Variants in FTO observed in about 807,000 individuals in gnomAD.
The protein encoded by FTO is FTO alpha-ketoglutarate dependent dioxygenase, also known as alpha-ketoglutarate-dependent dioxygenase FTO.
In FTO, 47 loss-of-function variants were observed where a neutral mutation model predicts 63.9. The observed-to-expected ratio is 0.74, with a 90% CI of 0.58 to 0.94. The LOEUF is 0.94. FTO is among the 40% of genes least tolerant of loss of function. FTO has a pLI of 0.00. For synonymous variants in FTO, 207 were observed against 224.4 expected (o/e 0.92, Z 0.69); for missense variants, 562 against 618.1 (o/e 0.91, Z 0.96).
chr16:53,782,621 A>AT (rs2077616541), intron 1 of FTO, among the ~76,000 whole-genome samples: 1 of 152,188 alleles, frequency 6.6e-6, no homozygotes, highest in South Asian at 2.1e-4. Context: ...ATTCCTCCAG[A>AT]TTGATTAAGT....
At chr16:53,726,282 A>C (rs1390400670) in intron 1 of FTO, among the ~76,000 whole-genome samples, 1 of 152,234 alleles carries the variant, frequency 6.6e-6, no homozygotes, top group Non-Finnish European at 1.5e-5. Context: ...CACAGTTCTC[A>C]TAATAGTATG....
At chr16:54,074,964 TTA>T (rs1180475323) in intron 8 of FTO, among the ~76,000 whole-genome samples, 1 of 145,194 alleles carries the variant, frequency 6.9e-6, no homozygotes, top group Non-Finnish European at 1.5e-5. Context: ...GTAAACTGTT[TTA>T]GTTTGATAGT....
Position 53,783,974 on chromosome 16 carries a change from C to G in FTO, c.46-26166C>G, listed in dbSNP as rs532007983. Among the ~76,000 whole-genome samples, 48 of 152,220 alleles carry G rather than the reference C, an allele frequency of 3.2e-4. 1 individual carries two copies. In the South Asian group the frequency reaches 9.1e-3, roughly 29 times the overall value. On this transcript the variant is annotated intron_variant, in intron 1 of 8. Transcript: ENST00000471389. ...TCACTGGCCTTAGAAACAATACAGA[C>G]CCTACTTCTGGAGATTCTAAACCAG... is the stretch of plus-strand genomic sequence containing the variant.
intron 8 of FTO, among the ~76,000 whole-genome samples, chr16:54,007,577 C>T (rs759886539): frequency 4.6e-5 from 7 of 152,198 alleles, no homozygotes; most frequent in Non-Finnish European, 7.3e-5. Flanking sequence ...ATTAATAGAT[C>T]AGAAGTCACA....
At chr16:53,905,701 T>A (rs957119090) in intron 7 of FTO, among the ~76,000 whole-genome samples, 1 of 152,218 alleles carries the variant, frequency 6.6e-6, no homozygotes, top group Non-Finnish European at 1.5e-5. Flanking sequence ...TTTTATGTGT[T>A]CACCTATTAC....
intron 8 of FTO, among the ~76,000 whole-genome samples, chr16:54,081,224 C>T (rs901576096): frequency 2.0e-5 from 3 of 152,060 alleles, no homozygotes; most frequent in Non-Finnish European, 2.9e-5. Context: ...AGTCAGAGCA[C>T]GTTGGAAAGT....
chr16:53,815,568 C>T (rs1469904544), intron 2 of FTO, among the ~76,000 whole-genome samples: 7 of 150,380 alleles, frequency 4.7e-5, no homozygotes, highest in African/African-American at 1.2e-4. Flanking sequence ...TTTGTTGAGT[C>T]GCCTTTGCTT....
intron 8 of FTO, among the ~76,000 whole-genome samples, chr16:53,960,094 T>TA (rs1251521194): frequency 6.6e-6 from 1 of 152,108 alleles, no homozygotes; most frequent in Non-Finnish European, 1.5e-5. Flanking sequence ...TCAAAACTCA[T>TA]TTTTTGAGAC....
chr16:53,952,068 C>CT (rs1255909388), intron 8 of FTO, among the ~76,000 whole-genome samples: 1 of 152,174 alleles, frequency 6.6e-6, no homozygotes, highest in Non-Finnish European at 1.5e-5. Context: ...ATGCCAGGTA[C>CT]TATTCTACGT....
At chr16:53,912,251 T>C (rs1347899029) in intron 7 of FTO, among the ~76,000 whole-genome samples, 1 of 152,172 alleles carries the variant, frequency 6.6e-6, no homozygotes, top group Non-Finnish European at 1.5e-5. Context: ...CCAGGAGTAA[T>C]CTCTAGGAGG....
At chr16:53,839,476 G>A (rs2079399944) in intron 3 of FTO, among the ~76,000 whole-genome samples, 1 of 152,116 alleles carries the variant, frequency 6.6e-6, no homozygotes, top group Non-Finnish European at 1.5e-5. Flanking sequence ...ACAGCCTAAG[G>A]AGGGGAAAAA....
chr16:53,987,219 A>G (rs986392281), intron 8 of FTO, among the ~76,000 whole-genome samples: 1 of 152,240 alleles, frequency 6.6e-6, no homozygotes, highest in Non-Finnish European at 1.5e-5. Context: ...TAAAAAAAAT[A>G]TTAACAAGTG....
intron 1 of FTO, among the ~76,000 whole-genome samples, chr16:53,776,196 G>A (rs753995417): frequency 7.9e-5 from 12 of 152,164 alleles, no homozygotes; most frequent in Non-Finnish European, 1.6e-4. Context: ...CCTTATCCCC[G>A]TTTGCCAGGC....
upstream of FTO, chr16:53,704,114 C>A: frequency 1.4e-6 from 2 of 1,421,970 alleles, no homozygotes; most frequent in African/African-American, 1.4e-5. Context: ...GAGAGAACTA[C>A]ATGCAGGAGG....
At chr16:53,892,816 A>G (rs2081185100) in intron 7 of FTO, among the ~76,000 whole-genome samples, 1 of 151,912 alleles carries the variant, frequency 6.6e-6, no homozygotes, top group South Asian at 2.1e-4. Flanking sequence ...CTCTTTTTTC[A>G]CTTTGTGGCT....
At chr16:53,881,608 A>G (rs1389021668) in intron 6 of FTO, among the ~76,000 whole-genome samples, 1 of 152,196 alleles carries the variant, frequency 6.6e-6, no homozygotes, top group Non-Finnish European at 1.5e-5. Context: ...TCACTGATGA[A>G]ATCAGTTGCA....
At chr16:54,040,623 G>C (rs945825898) in intron 8 of FTO, 1 of 152,182 alleles carries the variant, frequency 6.6e-6, no homozygotes, top group Admixed American at 6.5e-5. Context: ...TTTGAGCTGA[G>C]ATCTGAAAGA....
chr16:53,887,644 A>T (rs1448198475), intron 6 of FTO, among the ~76,000 whole-genome samples: 1 of 152,226 alleles, frequency 6.6e-6, no homozygotes, highest in Non-Finnish European at 1.5e-5. Flanking sequence ...GGAAATGTTT[A>T]TTGGAGCATT....
intron 3 of FTO, among the ~76,000 whole-genome samples, chr16:53,833,256 C>T (rs181195110): frequency 3.1e-4 from 47 of 152,296 alleles, no homozygotes; most frequent in Admixed American, 9.2e-4. Flanking sequence ...TCCAATTAAT[C>T]CTCTTTTTGT....
Sources: allele counts gnomAD v4.1 joint callset (sites outside exome capture counted in the v4.1 genomes callset), GRCh38; gene constraint gnomAD v4.1.1; transcripts MANE v1.5; gene names NCBI Gene and HGNC (gene_info 2026-07-23, HGNC 2026-07-21).